ADAMTSL1: variants seen among roughly 807,000 people sequenced by gnomAD.
ADAMTSL1 encodes ADAMTS-like protein 1.
Under a neutral mutation model 201.8 loss-of-function variants are expected in ADAMTSL1, and 126 were observed. The observed-to-expected ratio is 0.62, with a 90% CI of 0.54 to 0.72. ADAMTSL1 has a LOEUF of 0.72. Ranked by LOEUF, ADAMTSL1 falls within the 30% of genes least tolerant of loss-of-function variation. ADAMTSL1 has a pLI of 0.00. For missense variants in ADAMTSL1, 2,679 were observed against 2,277.8 expected (o/e 1.18, Z -3.59); for synonymous variants, 1,121 against 903.4 (o/e 1.24, Z -4.32).
chr9:17,991,139 A>T (rs187389595), intron 1 of ADAMTSL1, among the ~76,000 whole-genome samples: 31 of 152,280 alleles, frequency 2.0e-4, no homozygotes, highest in African/African-American at 7.2e-4. Context: ...CTGTACTGGG[A>T]ATTAGTTGAA....
intron 2 of ADAMTSL1, among the ~76,000 whole-genome samples, chr9:18,181,917 G>A (rs149755992): frequency 6.6e-6 from 1 of 152,096 alleles, no homozygotes; most frequent in African/African-American, 2.4e-5. Context: ...ACTGGATTAA[G>A]AAAATGTGGC....
At chr9:18,797,157 G>T (rs891701192) in intron 20 of ADAMTSL1, among the ~76,000 whole-genome samples, 21 of 152,276 alleles carry the variant, frequency 1.4e-4, no homozygotes, top group Admixed American at 1.2e-3. Flanking sequence ...GGGGAGGAGA[G>T]GGGCTGCCTG....
rs978510650 is a variant in ADAMTSL1 at position 18,791,225 on chromosome 9, G to A, written c.3678-4172G>A. Reference sequence around the variant, plus strand: ...GCAGCAAGCCTTTCCTTTGCCTGGCGGTGCTTCCCAGAGAGCCCTGCATGG... The same window carrying A: ...GCAGCAAGCCTTTCCTTTGCCTGGCAGTGCTTCCCAGAGAGCCCTGCATGG... On this transcript the variant is annotated intron_variant, in intron 19 of 28. Coordinates refer to ENST00000380548, the MANE Select transcript of ADAMTSL1 (RefSeq NM_001040272.6). Among the ~76,000 whole-genome samples the A allele has an allele frequency of 3.3e-5, 5 of 152,106 alleles. No individual in the cohort carries two copies. The East Asian group carries it at 5.8e-4, about 18-fold the overall frequency.
chr9:18,403,724 C>T (rs993454620), intron 2 of ADAMTSL1, among the ~76,000 whole-genome samples: 11 of 152,108 alleles, frequency 7.2e-5, no homozygotes, highest in African/African-American at 2.7e-4. Flanking sequence ...ACACTGTCTC[C>T]TCCATCTCAT....
intron 2 of ADAMTSL1, among the ~76,000 whole-genome samples, chr9:18,246,044 C>T (rs1459211497): frequency 6.6e-6 from 1 of 152,106 alleles, no homozygotes; most frequent in Non-Finnish European, 1.5e-5. Flanking sequence ...TGTCCCTCTA[C>T]CGGCTGCTGT....
At chr9:18,282,771 C>A (rs1832840382) in intron 2 of ADAMTSL1, among the ~76,000 whole-genome samples, 1 of 152,194 alleles carries the variant, frequency 6.6e-6, no homozygotes, top group African/African-American at 2.4e-5. Context: ...GTAGCGCAGG[C>A]CTGTAATCCC....
chr9:18,146,912 A>G (rs1380962917), intron 1 of ADAMTSL1, among the ~76,000 whole-genome samples: 1 of 152,160 alleles, frequency 6.6e-6, no homozygotes, highest in Non-Finnish European at 1.5e-5. Flanking sequence ...TGCAAAGCAA[A>G]TTCATTCTGT....
chr9:18,719,478 C>A (rs1833191664), intron 14 of ADAMTSL1, among the ~76,000 whole-genome samples: 1 of 152,152 alleles, frequency 6.6e-6, no homozygotes, highest in Admixed American at 6.5e-5. Context: ...AATTCTCCTA[C>A]CTCAGTTTCC....
intron 2 of ADAMTSL1, among the ~76,000 whole-genome samples, chr9:18,401,360 C>T (rs986326403): frequency 3.3e-5 from 5 of 152,204 alleles, no homozygotes; most frequent in African/African-American, 7.2e-5. Context: ...TTGATTCCCA[C>T]GGAGCCCAGT....
intron 1 of ADAMTSL1, among the ~76,000 whole-genome samples, chr9:18,071,258 T>C (rs1586982992): frequency 6.6e-6 from 1 of 152,204 alleles, no homozygotes; most frequent in East Asian, 1.9e-4. Context: ...CAGATGTTTT[T>C]GGTTCAAAAA....
chr9:18,713,124 G>A (rs910997773), intron 14 of ADAMTSL1, among the ~76,000 whole-genome samples: 23 of 151,058 alleles, frequency 1.5e-4, no homozygotes, highest in Admixed American at 2.0e-4. Flanking sequence ...AGGAACAACC[G>A]GTACCAGCCG....
At chr9:18,499,955 C>T (rs1822746823) in intron 1 of ADAMTSL1, among the ~76,000 whole-genome samples, 1 of 152,098 alleles carries the variant, frequency 6.6e-6, no homozygotes, top group African/African-American at 2.4e-5. Flanking sequence ...TCCAAGTACC[C>T]TGTATATGCG....
intron 19 of ADAMTSL1, among the ~76,000 whole-genome samples, chr9:18,788,932 AAT>A (rs1212123848): frequency 1.3e-5 from 2 of 152,106 alleles, no homozygotes; most frequent in Non-Finnish European, 2.9e-5. Context: ...CAGTTATGGA[AAT>A]AACTAGTTGT....
At chr9:17,966,438 T>A (rs1003554447) in intron 1 of ADAMTSL1, among the ~76,000 whole-genome samples, 5 of 152,198 alleles carry the variant, frequency 3.3e-5, no homozygotes, top group Admixed American at 2.6e-4. Flanking sequence ...AGCCTCTTCA[T>A]GTGCCGCATT....
At chr9:17,978,578 T>C (rs1299370915) in intron 1 of ADAMTSL1, among the ~76,000 whole-genome samples, 1 of 151,694 alleles carries the variant, frequency 6.6e-6, no homozygotes, top group Non-Finnish European at 1.5e-5. Context: ...ACTTTTTATT[T>C]CTCCCTCCAC....
chr9:18,653,619 GAAA>G (rs10570129), intron 7 of ADAMTSL1, among the ~76,000 whole-genome samples: 2,122 of 137,862 alleles, frequency 0.015, 58 homozygotes, highest in African/African-American at 0.047. Flanking sequence ...CTATGAAAAA[GAAA>G]AAAAAAAAAA....
chr9:18,871,311 T>C (rs528024736), intron 23 of ADAMTSL1, among the ~76,000 whole-genome samples: 8 of 152,338 alleles, frequency 5.3e-5, no homozygotes, highest in Middle Eastern at 6.8e-3. Context: ...TCTTGCCTCT[T>C]TAAAATTTTT....
intron 1 of ADAMTSL1, among the ~76,000 whole-genome samples, chr9:18,154,155 C>T (rs754098073): frequency 6.6e-5 from 10 of 152,058 alleles, no homozygotes; most frequent in African/African-American, 1.2e-4. Context: ...TGAAAGCAAA[C>T]GTGGGTTATG....
chr9:18,876,573 A>G (rs1828174831), intron 23 of ADAMTSL1, among the ~76,000 whole-genome samples: 2 of 152,164 alleles, frequency 1.3e-5, no homozygotes, highest in African/African-American at 4.8e-5. Flanking sequence ...GAAGCTCAAG[A>G]TAGGACCCCA....
Sources: gnomAD v4.1 joint callset for allele counts (sites outside exome capture counted in the v4.1 genomes callset) on GRCh38, gnomAD v4.1.1 for gene constraint, MANE v1.5 for transcripts, NCBI Gene and HGNC (gene_info 2026-07-23, HGNC 2026-07-21) for gene names.